LPP: variants seen among roughly 807,000 people sequenced by gnomAD.
LPP encodes the protein lipoma-preferred partner.
In LPP, 38 loss-of-function variants were observed where a neutral mutation model predicts 60.4. The ratio of observed to expected loss-of-function variants is 0.63; its 90% CI spans 0.49 to 0.83. LPP has a LOEUF of 0.83. Among genes scored for constraint, LPP ranks in the 40% least tolerant of loss-of-function variants. The pLI, the probability that LPP is intolerant of heterozygous loss-of-function variation, is 0.00. For missense variants in LPP, 902 were observed against 783.6 expected (o/e 1.15, Z -1.80); for synonymous variants, 328 against 290.8 (o/e 1.13, Z -1.30).
chr3:188,636,289 G>T (rs951797780), intron 7 of LPP, among the ~76,000 whole-genome samples: 5 of 152,196 alleles, frequency 3.3e-5, no homozygotes, highest in African/African-American at 1.2e-4. Flanking sequence ...CAAAGAAAGG[G>T]GTGACAGACG....
At chr3:188,330,767 G>T (rs2150504389) in intron 2 of LPP, among the ~76,000 whole-genome samples, 1 of 152,262 alleles carries the variant, frequency 6.6e-6, no homozygotes, top group South Asian at 2.1e-4. Flanking sequence ...AGTGAGCCGA[G>T]ATCGTGCTAT....
In LPP at chr3:188,872,712, C is replaced by A; in HGVS notation, c.1659C>A (p.Val553=). 1 of 1,614,180 alleles carries A rather than the reference C, an allele frequency of 6.2e-7. No individual in the cohort carries two copies. Among genetic ancestry groups the A allele is most frequent in the Non-Finnish European group, 8.5e-7 (1 of 1,180,028 alleles). Residue 553 remains valine (V), a synonymous_variant, in exon 11 of 12, where the codon GTC becomes GTA. Coordinates refer to ENST00000617246, the MANE Select transcript of LPP (RefSeq NM_001375462.1). ...IMPAPGQEET[V]RIVALDRDFH... ...CAGCCCCGGGCCAGGAGGAGACTGT[C>A]CGTATTGTGGCTTTGGATCGAGATT...
chr3:188,337,208 C>T (rs936157266), intron 2 of LPP, among the ~76,000 whole-genome samples: 2 of 152,156 alleles, frequency 1.3e-5, no homozygotes, highest in African/African-American at 2.4e-5. Context: ...GATGGAGTGT[C>T]ATAGCTATGC....
chr3:188,328,649 G>A (rs1407574366), intron 2 of LPP, among the ~76,000 whole-genome samples: 1 of 152,116 alleles, frequency 6.6e-6, no homozygotes, highest in African/African-American at 2.4e-5. Flanking sequence ...TGAAAAAAGC[G>A]ATTGGTTAGC....
At chr3:188,198,005 C>G (rs1158315980) in intron 1 of LPP, among the ~76,000 whole-genome samples, 1 of 152,200 alleles carries the variant, frequency 6.6e-6, no homozygotes, top group East Asian at 1.9e-4. Flanking sequence ...TCTCAGTTTC[C>G]TCATTTGTAA....
At chr3:188,844,001 C>T (rs1488863119) in intron 9 of LPP, among the ~76,000 whole-genome samples, 2 of 151,848 alleles carry the variant, frequency 1.3e-5, no homozygotes, top group African/African-American at 2.4e-5. Context: ...AGAAAATTTC[C>T]CTAAAAAGTA....
intron 3 of LPP, among the ~76,000 whole-genome samples, chr3:188,385,667 A>T (rs188106585): frequency 4.8e-4 from 73 of 152,318 alleles, no homozygotes; most frequent in African/African-American, 1.6e-3. Context: ...AATTCTGCAA[A>T]TATTTGAGAC....
intron 9 of LPP, among the ~76,000 whole-genome samples, chr3:188,812,571 G>A (rs1280323469): frequency 6.6e-6 from 1 of 152,046 alleles, no homozygotes; most frequent in Non-Finnish European, 1.5e-5. Context: ...TGCATATTGA[G>A]GATGTTTTAA....
chr3:188,678,826 G>A lies in LPP; in HGVS notation c.1114-29441G>A, dbSNP rs369812806. On this transcript the variant is annotated intron_variant, in intron 7 of 11. Coordinates refer to ENST00000617246, the MANE Select transcript of LPP (RefSeq NM_001375462.1). ...AGTCTTGTGGGAAGATAGAAAAGAT[G>A]CACAAAACGAAAGCCAGACTCAAAT... 5.3e-5 allele frequency among the ~76,000 whole-genome samples: 8 copies of A among 152,280 alleles called. 1 individual carries two copies. Among genetic ancestry groups the A allele is most frequent in the Admixed American group, 2.0e-4 (3 of 15,298 alleles).
At chr3:188,577,978 C>T (rs1465473681) in intron 6 of LPP, among the ~76,000 whole-genome samples, 1 of 151,910 alleles carries the variant, frequency 6.6e-6, no homozygotes, top group Non-Finnish European at 1.5e-5. Flanking sequence ...ACAGAATAAA[C>T]TGTGAAACCT....
intron 9 of LPP, among the ~76,000 whole-genome samples, chr3:188,769,253 C>T (rs1735114417): frequency 6.6e-6 from 1 of 152,168 alleles, no homozygotes; most frequent in Non-Finnish European, 1.5e-5. Flanking sequence ...CTTTAATAGA[C>T]ATTCGTATTA....
chr3:188,356,084 A>G (rs16863224), intron 3 of LPP, among the ~76,000 whole-genome samples: 7,067 of 152,234 alleles, frequency 0.046, 266 homozygotes, highest in East Asian at 0.21. Flanking sequence ...TTTAACTTAT[A>G]GCGCGGATGT....
chr3:188,624,296 G>A (rs1193423970), intron 7 of LPP, among the ~76,000 whole-genome samples: 2 of 152,160 alleles, frequency 1.3e-5, no homozygotes, highest in Non-Finnish European at 2.9e-5. Context: ...TAGGAAAAAG[G>A]AAATGTTAAA....
In LPP at chr3:188,844,308, C is replaced by A. The variant is rs139001778; in HGVS notation, c.1411-21892C>A. ...CAGCCAGTCCTGGGTTAATATTATT[C>A]ATGTGGCAATGTCTGTTTTACTTTA... On this transcript the variant is annotated intron_variant, in intron 9 of 11. Transcript: ENST00000617246. 1.9e-3 allele frequency among the ~76,000 whole-genome samples: 297 copies of A among 152,308 alleles called. 1 individual carries two copies. Among genetic ancestry groups the A allele is most frequent in the African/African-American group, 7.0e-3 (290 of 41,568 alleles).
chr3:188,888,369 A>G lies in LPP; in HGVS notation c.*13890A>G, dbSNP rs1317196939. 4.4e-6 allele frequency: 1 copy of G among 228,172 alleles called. No individual in the cohort carries two copies. The highest frequency in any genetic ancestry group is 8.7e-6 in the Non-Finnish European group (1 of 114,766). The allele number at this position is 228,172 out of a possible 1,614,324, so 14.1% of individuals were successfully genotyped here. On this transcript the variant is annotated 3_prime_UTR_variant, in exon 12 of 12. Transcript: ENST00000617246. ...AGCCACGCACACAGGCTTTTATTTC[A>G]TGCCTTTTCTCTTTCTGTGCCGTCA...
At chr3:188,181,625 A>C (rs530911702) in intron 1 of LPP, among the ~76,000 whole-genome samples, 2 of 152,350 alleles carry the variant, frequency 1.3e-5, no homozygotes, top group East Asian at 3.9e-4. Context: ...TATAAATATC[A>C]GTTTTCCCAC....
At chr3:188,508,190 G>C (rs1433198195) in intron 5 of LPP, among the ~76,000 whole-genome samples, 1 of 152,178 alleles carries the variant, frequency 6.6e-6, no homozygotes, top group East Asian at 1.9e-4. Flanking sequence ...TTGGAAAGAG[G>C]GGGCTTATGG....
intron 3 of LPP, among the ~76,000 whole-genome samples, chr3:188,389,759 G>C (rs1045464003): frequency 8.5e-6 from 1 of 118,206 alleles, no homozygotes; most frequent in Non-Finnish European, 1.7e-5. Context: ...CTGGGCAACA[G>C]AGTGGGACTC....
intron 1 of LPP, among the ~76,000 whole-genome samples, chr3:188,175,276 A>G (rs2148842000): frequency 6.6e-6 from 1 of 152,048 alleles, no homozygotes; most frequent in Middle Eastern, 3.4e-3. Flanking sequence ...TTTAGTAGAG[A>G]TGACATTTTG....
Sources: allele counts gnomAD v4.1 joint callset (sites outside exome capture counted in the v4.1 genomes callset), GRCh38; gene constraint gnomAD v4.1.1; transcripts MANE v1.5; gene names NCBI Gene and HGNC (gene_info 2026-07-23, HGNC 2026-07-21).